Variants in STAG2 observed in about 807,000 individuals in gnomAD.
STAG2 encodes the protein STAG2 cohesin complex component.
In STAG2, 14 loss-of-function variants were observed where a neutral mutation model predicts 108.1. That is an observed-to-expected ratio of 0.13 (90% CI 0.09 to 0.20). The LOEUF (loss-of-function observed/expected upper bound fraction) is 0.20, where lower values mean the gene tolerates loss of function less well. Among genes scored for constraint, STAG2 ranks in the 10% least tolerant of loss-of-function variants. The pLI is 1.00. For missense variants in STAG2, 440 were observed against 940.9 expected (o/e 0.47, Z 6.96); for synonymous variants, 307 against 302.7 (o/e 1.01, Z -0.15).
At chrX:124,041,811 A>G (rs2057730270) in intron 6 of STAG2, among the ~76,000 whole-genome samples, 1 of 110,649 alleles carries the variant, frequency 9.0e-6, no homozygotes, top group Admixed American at 9.6e-5. Context: ...TTCCTCTCCC[A>G]TCCTCCTGTG....
chrX:123,996,289 CAGAT>C (rs1569496960), intron 1 of STAG2, among the ~76,000 whole-genome samples: 1 of 112,132 alleles, frequency 8.9e-6, no homozygotes, highest in Non-Finnish European at 1.9e-5. Flanking sequence ...ATAGCTGAAA[CAGAT>C]AGCTTTGAGG....
chrX:124,059,001 A>G (rs1484701255), intron 15 of STAG2, among the ~76,000 whole-genome samples: 2 of 108,173 alleles, frequency 1.8e-5, no homozygotes, highest in Non-Finnish European at 3.8e-5. Context: ...TTCTTGCCTT[A>G]TTGAATTGTC....
At chrX:124,049,559 A>G (rs2057977178) in intron 10 of STAG2, among the ~76,000 whole-genome samples, 1 of 112,078 alleles carries the variant, frequency 8.9e-6, no homozygotes, top group African/African-American at 3.2e-5. Flanking sequence ...TTCAGCTTCC[A>G]CATATCCTCA....
chrX:124,100,808 G>T lies in STAG2; in HGVS notation c.*211G>T. On this transcript the variant is annotated 3_prime_UTR_variant, in exon 35 of 35. Transcript: ENST00000371145. ...GTAAACAATTTGATGATAAGCTACA[G>T]TTTTTCTTAGAAAGTAAATATTTTA... 2 of 274,861 alleles carry T rather than the reference G, an allele frequency of 7.3e-6. No individual in the cohort carries two copies. Among genetic ancestry groups the T allele is most frequent in the Non-Finnish European group, 1.3e-5 (2 of 152,160 alleles). The allele number at this position is 274,861 out of a possible 1,213,427, so 22.7% of individuals were successfully genotyped here.
chrX:124,068,232 G>A (rs1401354435), intron 23 of STAG2, among the ~76,000 whole-genome samples: 4 of 111,081 alleles, frequency 3.6e-5, no homozygotes, highest in Admixed American at 9.6e-5. Flanking sequence ...AGCATGGAGC[G>A]TAAATCTTTA....
intron 30 of STAG2, among the ~76,000 whole-genome samples, chrX:124,088,320 C>A (rs372728817): frequency 1.8e-5 from 2 of 110,003 alleles, no homozygotes; most frequent in African/African-American, 6.6e-5. Context: ...AAACCAGATA[C>A]GTCAATTTTT....
intron 10 of STAG2, among the ~76,000 whole-genome samples, chrX:124,049,413 A>G (rs2057972615): frequency 1.8e-5 from 2 of 112,110 alleles, no homozygotes; most frequent in African/African-American, 3.2e-5. Context: ...CTTCCCTTCC[A>G]TTGAATATCA....
chrX:124,096,032 G>A (rs936129768), intron 34 of STAG2, among the ~76,000 whole-genome samples: 8 of 109,728 alleles, frequency 7.3e-5, no homozygotes, highest in African/African-American at 2.3e-4. Flanking sequence ...GCCTTGATTC[G>A]GGTCCTCCTC....
chrX:124,003,871 T>C (rs1200669014), intron 1 of STAG2: 1 of 112,179 alleles, frequency 8.9e-6, no homozygotes, highest in African/African-American at 3.2e-5. Context: ...TATAGATTTT[T>C]ATTGGTTTAA....
At chrX:123,973,220 A>G (rs942536210) in intron 1 of STAG2, among the ~76,000 whole-genome samples, 4 of 110,900 alleles carry the variant, frequency 3.6e-5, no homozygotes, top group Non-Finnish European at 5.7e-5. Context: ...TCTAGGGCTC[A>G]TTGTTAAAAT....
intron 1 of STAG2, among the ~76,000 whole-genome samples, chrX:124,020,752 C>G (rs755253242): frequency 8.9e-5 from 10 of 111,901 alleles, no homozygotes; most frequent in Non-Finnish European, 1.9e-5. Flanking sequence ...CTTTGTCACC[C>G]AGGCTGGAGT....
chrX:124,003,219 C>A, intron 1 of STAG2, among the ~76,000 whole-genome samples: 1 of 110,373 alleles, frequency 9.1e-6, no homozygotes, highest in Non-Finnish European at 1.9e-5. Context: ...CCACTCAACT[C>A]AGCCTCCCAA....
At chrX:123,973,980 C>T (rs372529314) in intron 1 of STAG2, among the ~76,000 whole-genome samples, 1 of 110,968 alleles carries the variant, frequency 9.0e-6, no homozygotes, top group East Asian at 2.8e-4. Context: ...ATTAAAATAC[C>T]GTGTATTGGG....
intron 1 of STAG2, among the ~76,000 whole-genome samples, chrX:124,018,638 C>T (rs2147973514): frequency 9.0e-6 from 1 of 110,715 alleles, no homozygotes; most frequent in South Asian, 3.9e-4. Flanking sequence ...GTAGCTAGGT[C>T]TATAGGTGTG....
chrX:124,022,597 A>G lies in STAG2; in HGVS notation c.-31A>G, dbSNP rs770072765. The G allele has an allele frequency of 1.4e-5, 16 of 1,146,120 alleles. No homozygotes were observed. In the Admixed American group the frequency reaches 4.5e-4, roughly 32 times the overall value. 94.5% of individuals were successfully genotyped at this position (1,146,120 alleles called of 1,213,427 possible). A position where few individuals can be genotyped will look rare whatever the true frequency, so the allele number is the denominator to read the frequency against. ...ACGTAAATATATGAATATATTTCTG[A>G]CATTGAGGTGTTCCAGAAGATGATA... On this transcript the variant is annotated 5_prime_UTR_variant, in exon 3 of 35. Transcript: ENST00000371145.
At position 124,019,574 on chromosome X, in the gene STAG2, G is replaced by A. The variant is rs139987710; in HGVS notation, c.-162-1793G>A. Among the ~76,000 whole-genome samples the A allele has an allele frequency of 9.7e-3, 1,073 of 111,186 alleles. 8 individuals carry two copies. The highest frequency in any genetic ancestry group is 0.028 in the Middle Eastern group (6 of 216). ...CTTTAAAAAAATCTTATTTCACTAG[G>A]ATAGGGAATTGGCCAGTTCAATAAT... On this transcript the variant is annotated intron_variant, in intron 1 of 34. Coordinates refer to ENST00000371145, the MANE Select transcript of STAG2 (RefSeq NM_001042750.2).
chrX:123,993,436 T>C (rs1198050008), intron 1 of STAG2, among the ~76,000 whole-genome samples: 4 of 111,596 alleles, frequency 3.6e-5, no homozygotes, highest in Non-Finnish European at 7.5e-5. Context: ...GTACATTTTT[T>C]TTTTCTTGTG....
At chrX:124,002,154 T>G (rs1369527810) in intron 1 of STAG2, among the ~76,000 whole-genome samples, 1 of 111,631 alleles carries the variant, frequency 9.0e-6, no homozygotes, top group Non-Finnish European at 1.9e-5. Context: ...GAATTTGAGG[T>G]TGCAGTGAAC....
At chrX:124,066,513 G>GAT in intron 23 of STAG2, 77 bp downstream of exon 23, 1 of 720,349 alleles carries the variant, frequency 1.4e-6, no homozygotes, top group Non-Finnish European at 2.1e-6. Context: ...CATTTAATGA[G>GAT]ATCAGTTATT....
Sources: gnomAD v4.1 joint callset for allele counts (sites outside exome capture counted in the v4.1 genomes callset) on GRCh38, gnomAD v4.1.1 for gene constraint, MANE v1.5 for transcripts, NCBI Gene and HGNC (gene_info 2026-07-23, HGNC 2026-07-21) for gene names.